The following NBEA variants were observed in gnomAD, a reference collection of about 807,000 sequenced individuals.
NBEA encodes lysosomal-trafficking regulator 2.
Under a neutral mutation model 343.4 loss-of-function variants are expected in NBEA, and 44 were observed. The observed-to-expected ratio is 0.13, with a 90% CI of 0.10 to 0.16. NBEA has a LOEUF of 0.16. Ranked by LOEUF, NBEA falls within the 10% of genes least tolerant of loss-of-function variation. The pLI is 1.00. For synonymous variants in NBEA, 1,175 were observed against 1,238.7 expected (o/e 0.95, Z 1.08); for missense variants, 2,555 against 3,631.3 (o/e 0.70, Z 7.62).
At position 35,190,175 on chromosome 13, in the gene NBEA, T is replaced by C. The variant is rs1161831751; in HGVS notation, c.4928-5689T>C. Among the ~76,000 whole-genome samples the C allele has an allele frequency of 2.0e-5, 3 of 152,272 alleles. No individual in the cohort carries two copies. The South Asian group carries it at 6.2e-4, about 32-fold the overall frequency. Reference sequence around the variant, plus strand: ...TATTTGACCTAATCTAGAGCTTGTTTAGTGAGAAAAGCCTGTCTCCAAGGT... The same window carrying C: ...TATTTGACCTAATCTAGAGCTTGTTCAGTGAGAAAAGCCTGTCTCCAAGGT... On this transcript the variant is annotated intron_variant, in intron 30 of 58. Transcript: ENST00000379939.
intron 41 of NBEA, among the ~76,000 whole-genome samples, chr13:35,502,444 G>A (rs1457101650): frequency 6.6e-6 from 1 of 151,700 alleles, no homozygotes; most frequent in Non-Finnish European, 1.5e-5. Context: ...TTATGGACAG[G>A]AATGAGCAAG....
At chr13:35,545,381 C>T (rs1235837558) in intron 41 of NBEA, among the ~76,000 whole-genome samples, 1 of 152,192 alleles carries the variant, frequency 6.6e-6, no homozygotes, top group Non-Finnish European at 1.5e-5. Flanking sequence ...CCTCAAATCT[C>T]ACTCTGCCAC....
intron 48 of NBEA, among the ~76,000 whole-genome samples, chr13:35,620,266 C>T (rs1166721632): frequency 6.6e-6 from 1 of 151,902 alleles, no homozygotes; most frequent in Non-Finnish European, 1.5e-5. Flanking sequence ...TAGAAAATAC[C>T]ACTGCAAGAA....
At chr13:35,045,832 A>G (rs1399104481) in intron 4 of NBEA, among the ~76,000 whole-genome samples, 8 of 151,964 alleles carry the variant, frequency 5.3e-5, no homozygotes, top group Non-Finnish European at 1.2e-4. Flanking sequence ...GGTTCAAGCA[A>G]TTCTCCTGCC....
At chr13:35,456,904 T>G (rs1413125524) in intron 40 of NBEA, among the ~76,000 whole-genome samples, 1 of 151,792 alleles carries the variant, frequency 6.6e-6, no homozygotes, top group African/African-American at 2.4e-5. Flanking sequence ...TTGTTAACAG[T>G]TCTGTAAATT....
chr13:35,093,618 A>C (rs2065191890), intron 10 of NBEA, among the ~76,000 whole-genome samples: 1 of 151,994 alleles, frequency 6.6e-6, no homozygotes, highest in African/African-American at 2.4e-5. Flanking sequence ...AGGGCATTAG[A>C]GTATGCATAA....
At chr13:35,621,950 G>T (rs2083013737) in intron 48 of NBEA, among the ~76,000 whole-genome samples, 1 of 152,184 alleles carries the variant, frequency 6.6e-6, no homozygotes, top group Non-Finnish European at 1.5e-5. Flanking sequence ...CATTTGTACA[G>T]TACCTCACAG....
intron 31 of NBEA, among the ~76,000 whole-genome samples, chr13:35,208,016 T>C (rs1488290345): frequency 1.3e-5 from 2 of 151,990 alleles, no homozygotes; most frequent in Non-Finnish European, 2.9e-5. Context: ...GGTCAGGAGT[T>C]TGAGACCAGC....
chr13:35,113,589 CTAT>C (rs773495916), intron 13 of NBEA, among the ~76,000 whole-genome samples: 2,085 of 142,482 alleles, frequency 0.015, 14 homozygotes, highest in Middle Eastern at 0.03. Flanking sequence ...CTCCACTCAT[CTAT>C]CTATCTATCT....
Position 35,208,882 on chromosome 13 carries a change from C to T in NBEA, c.5521+28C>T, listed in dbSNP as rs111638727. 1,975 of 1,442,622 alleles carry T rather than the reference C, an allele frequency of 1.4e-3. 23 individuals carry two copies. In the African/African-American group the frequency reaches 0.025, roughly 18 times the overall value. The allele number at this position is 1,442,622 out of a possible 1,614,324, so 89.4% of individuals were successfully genotyped here. A position where few individuals can be genotyped will look rare whatever the true frequency, so the allele number is the denominator to read the frequency against. On this transcript the variant is annotated intron_variant, in intron 32 of 58. Transcript: ENST00000379939. ...ATTGTACTTACATATTTTTGTGATA[C>T]TCATCTTTTTATGTTTTCTGTATCA...
intron 48 of NBEA, among the ~76,000 whole-genome samples, chr13:35,618,560 A>C (rs2082841962): frequency 6.6e-6 from 1 of 152,212 alleles, no homozygotes; most frequent in Non-Finnish European, 1.5e-5. Flanking sequence ...TACTCTCACT[A>C]GAAAACCTGG....
intron 38 of NBEA, among the ~76,000 whole-genome samples, chr13:35,381,178 A>G (rs982398517): frequency 2.0e-5 from 3 of 152,116 alleles, no homozygotes; most frequent in Admixed American, 6.5e-5. Flanking sequence ...CCCTCTGGCA[A>G]TGTTTTTGGT....
chr13:35,474,611 G>A (rs989385060), intron 41 of NBEA: 2 of 155,506 alleles, frequency 1.3e-5, no homozygotes, highest in African/African-American at 4.8e-5. Flanking sequence ...AAGACAATGT[G>A]AGATCACAAT....
chr13:35,480,836 C>A (rs1209091727), intron 41 of NBEA, among the ~76,000 whole-genome samples: 1 of 151,814 alleles, frequency 6.6e-6, no homozygotes, highest in East Asian at 1.9e-4. Context: ...TTCTGGTAAC[C>A]TAATTTGATG....
chr13:35,394,742 C>T (rs572311961), intron 38 of NBEA, among the ~76,000 whole-genome samples: 2 of 152,166 alleles, frequency 1.3e-5, no homozygotes, highest in East Asian at 3.9e-4. Context: ...CCAGATAATT[C>T]CTTGTGGTTT....
At chr13:35,100,527 T>C (rs55633257) in intron 11 of NBEA, among the ~76,000 whole-genome samples, 4,263 of 152,162 alleles carry the variant, frequency 0.028, 88 homozygotes, top group South Asian at 0.074. Context: ...GTAAGATTAC[T>C]GTGTGTGACA....
intron 33 of NBEA, among the ~76,000 whole-genome samples, chr13:35,218,907 AT>A (rs936984673): frequency 1.3e-4 from 19 of 151,804 alleles, no homozygotes; most frequent in Non-Finnish European, 2.6e-4. Context: ...TTATTTTTTT[AT>A]TTTTTCCCCT....
intron 10 of NBEA, among the ~76,000 whole-genome samples, chr13:35,093,092 C>T (rs1367750832): frequency 6.6e-6 from 1 of 151,962 alleles, no homozygotes; most frequent in African/African-American, 2.4e-5. Context: ...AGGCTACAGA[C>T]TGTATGATTC....
intron 48 of NBEA, among the ~76,000 whole-genome samples, chr13:35,621,141 T>C (rs980291804): frequency 1.3e-5 from 2 of 152,180 alleles, no homozygotes; most frequent in Admixed American, 6.5e-5. Flanking sequence ...GTCTGACATA[T>C]GGTTGGTGGT....
Sources: gnomAD v4.1 joint callset for allele counts (sites outside exome capture counted in the v4.1 genomes callset) on GRCh38, gnomAD v4.1.1 for gene constraint, MANE v1.5 for transcripts, NCBI Gene and HGNC (gene_info 2026-07-23, HGNC 2026-07-21) for gene names.